TEAD4: variants seen among roughly 807,000 people sequenced by gnomAD.
TEAD4 encodes the protein transcriptional enhancer factor TEF-3.
In TEAD4, 36 loss-of-function variants were observed where a neutral mutation model predicts 52.4. The ratio of observed to expected loss-of-function variants is 0.69; its 90% CI spans 0.53 to 0.91. The LOEUF (loss-of-function observed/expected upper bound fraction) is 0.91. Ranked by LOEUF, TEAD4 falls within the 40% of genes least tolerant of loss-of-function variation. TEAD4 has a pLI of 0.00. For synonymous variants in TEAD4, 220 were observed against 231.0 expected (o/e 0.95, Z 0.43); for missense variants, 508 against 583.9 (o/e 0.87, Z 1.34).
At chr12:2,996,369 T>C (rs2098247145) in intron 3 of TEAD4, among the ~76,000 whole-genome samples, 1 of 151,958 alleles carries the variant, frequency 6.6e-6, no homozygotes, top group Non-Finnish European at 1.5e-5. Flanking sequence ...CACTTCTTGC[T>C]CTGATGGTTG....
chr12:2,961,518 C>A (rs2153951820), intron 2 of TEAD4, among the ~76,000 whole-genome samples: 1 of 152,218 alleles, frequency 6.6e-6, no homozygotes, highest in Non-Finnish European at 1.5e-5. Flanking sequence ...GGTCTAAAAG[C>A]AGCACTGATG....
chr12:2,971,315 TAA>T (rs2098224788), intron 2 of TEAD4, among the ~76,000 whole-genome samples: 1 of 151,740 alleles, frequency 6.6e-6, no homozygotes, highest in Admixed American at 6.6e-5. Flanking sequence ...TGTATATGTG[TAA>T]GAGAGAGGGA....
chr12:2,984,124 T>C (rs1282080821), intron 2 of TEAD4, among the ~76,000 whole-genome samples: 4 of 151,976 alleles, frequency 2.6e-5, no homozygotes, highest in Non-Finnish European at 5.9e-5. Context: ...ATGGCTGAGT[T>C]TGGGGCTTGG....
intron 2 of TEAD4, among the ~76,000 whole-genome samples, chr12:2,973,740 G>A (rs898907775): frequency 4.6e-5 from 7 of 152,168 alleles, no homozygotes; most frequent in African/African-American, 1.7e-4. Flanking sequence ...ATGGCCTGCT[G>A]GGTCAGGCCG....
chr12:2,992,767 G>C (rs891658121), intron 2 of TEAD4, among the ~76,000 whole-genome samples: 5 of 152,102 alleles, frequency 3.3e-5, no homozygotes, highest in African/African-American at 1.2e-4. Flanking sequence ...GGGGCTCTGC[G>C]AGGGCTGTGG....
intron 2 of TEAD4, among the ~76,000 whole-genome samples, chr12:2,962,156 G>A (rs905625557): frequency 4.0e-5 from 6 of 148,948 alleles, no homozygotes; most frequent in Admixed American, 2.0e-4. Flanking sequence ...ACGGAGTCTC[G>A]CTCTGTCGCC....
rs575210724 is a variant in TEAD4, at chr12:2,989,361, CAGAT to C, written c.-29-5374_-29-5371del. 9.1e-4 allele frequency among the ~76,000 whole-genome samples: 139 copies of C among 152,262 alleles called. 1 individual carries two copies. Among genetic ancestry groups the C allele is most frequent in the African/African-American group, 3.0e-3 (123 of 41,550 alleles). The stretch of plus-strand genomic sequence containing the variant: ...GTTTGGGTTTTAAATTCAAGATTAA[CAGAT>C]AGTTTCTTTTAACAATTTGGTGATG... On this transcript the variant is annotated intron_variant, in intron 2 of 12. Transcript: ENST00000359864.
chr12:2,983,448 C>G (rs2098235726), intron 2 of TEAD4, among the ~76,000 whole-genome samples: 1 of 152,076 alleles, frequency 6.6e-6, no homozygotes, highest in Non-Finnish European at 1.5e-5. Flanking sequence ...GGAGTGTGAA[C>G]CACAGATACT....
chr12:2,971,186 G>C (rs2098224675), intron 2 of TEAD4, among the ~76,000 whole-genome samples: 1 of 152,202 alleles, frequency 6.6e-6, no homozygotes, highest in Non-Finnish European at 1.5e-5. Flanking sequence ...CATACTGCAA[G>C]ACGAAAGAAC....
intron 2 of TEAD4, among the ~76,000 whole-genome samples, chr12:2,992,050 G>A (rs12425886): frequency 0.12 from 14,865 of 126,990 alleles, 1,748 homozygotes; most frequent in African/African-American, 0.28. Context: ...GCGGAGTCTC[G>A]CTCTGTCGCC....
At chr12:3,035,111 A>AT (rs1473492944) in intron 10 of TEAD4, among the ~76,000 whole-genome samples, 2 of 90,870 alleles carry the variant, frequency 2.2e-5, no homozygotes, top group East Asian at 1.7e-3. Flanking sequence ...AAAAAATAAA[A>AT]TTAAAAAAAT....
chr12:2,962,341 TA>T lies in TEAD4; in HGVS notation c.-30+2302del, dbSNP rs1279445829. ...ATATATATATAAATATAAATATATA[TA>T]TATATTTTTTGAGATGGAGTTTCGC... On this transcript the variant is annotated intron_variant, in intron 2 of 12. Transcript: ENST00000359864. Among the ~76,000 whole-genome samples the T allele has an allele frequency of 9.8e-3, 1,092 of 111,950 alleles. 31 individuals are homozygous for T. Among genetic ancestry groups the T allele is most frequent in the African/African-American group, 0.039 (1,054 of 27,298 alleles). The allele number at this position is 111,950 out of a possible 152,430, so 73.4% of individuals were successfully genotyped here.
Position 2,994,676 on chromosome 12 carries a change from T to G in TEAD4, c.-29-62T>G. On this transcript the variant is annotated intron_variant, in intron 2 of 12. Coordinates refer to ENST00000359864, the MANE Select transcript of TEAD4 (RefSeq NM_003213.4). The surrounding 1 kb of genome is among the most constrained non-coding windows in gnomAD (Gnocchi z 4.7). Reference sequence around the variant, plus strand: ...GGCTCTGGCACTCCCCGGAGTGCCTTCATCCCGTGGCCCACGCAGTTCTTC... The same window carrying G: ...GGCTCTGGCACTCCCCGGAGTGCCTGCATCCCGTGGCCCACGCAGTTCTTC... 6.7e-7 allele frequency: 1 copy of G among 1,482,916 alleles called. No homozygotes were observed. The highest frequency in any genetic ancestry group is 1.4e-5 in the South Asian group (1 of 72,176). The allele number at this position is 1,482,916 out of a possible 1,614,324, so 91.9% of individuals were successfully genotyped here.
At chr12:3,019,247 G>A (rs975771219) in intron 8 of TEAD4, 77 bp downstream of exon 8, 33 of 1,530,596 alleles carry the variant, frequency 2.2e-5, no homozygotes, top group Non-Finnish European at 2.3e-5. Context: ...CCCGGCAGCC[G>A]AACGCCTGCG....
chr12:2,989,642 G>A (rs2098241493), intron 2 of TEAD4, among the ~76,000 whole-genome samples: 1 of 152,044 alleles, frequency 6.6e-6, no homozygotes, highest in Non-Finnish European at 1.5e-5. Context: ...GTCTCACTAT[G>A]TTGCCCAGGC....
chr12:2,983,841 G>C (rs1039220913), intron 2 of TEAD4, among the ~76,000 whole-genome samples: 1 of 152,188 alleles, frequency 6.6e-6, no homozygotes, highest in African/African-American at 2.4e-5. Flanking sequence ...TCTGTGCAGC[G>C]TGCTGAGGAC....
At chr12:3,002,500 C>G (rs2098252516) in intron 3 of TEAD4, among the ~76,000 whole-genome samples, 1 of 152,228 alleles carries the variant, frequency 6.6e-6, no homozygotes, top group African/African-American at 2.4e-5. Context: ...TTTCGCATAT[C>G]CTCATCAGCG....
intron 2 of TEAD4, among the ~76,000 whole-genome samples, chr12:2,990,748 G>A (rs1324031581): frequency 6.6e-6 from 1 of 152,140 alleles, no homozygotes; most frequent in African/African-American, 2.4e-5. Flanking sequence ...TTACAGGCAT[G>A]AGCCACTTCG....
At chr12:2,971,043 A>G (rs1009944463) in intron 2 of TEAD4, among the ~76,000 whole-genome samples, 6 of 152,110 alleles carry the variant, frequency 3.9e-5, no homozygotes, top group Non-Finnish European at 7.4e-5. Context: ...ACCTGCCCTC[A>G]CCCAATCCAC....
Sources: gnomAD v4.1 joint callset for allele counts (sites outside exome capture counted in the v4.1 genomes callset) on GRCh38, gnomAD v4.1.1 for gene constraint, Gnocchi (gnomAD v3.1) non-coding constraint, MANE v1.5 for transcripts, NCBI Gene and HGNC (gene_info 2026-07-23, HGNC 2026-07-21) for gene names.